The following NXPE4 variants were observed in gnomAD, a reference collection of about 807,000 sequenced individuals.
The protein encoded by NXPE4 is neurexophilin and PC-esterase domain family member 4, also known as NXPE family member 4.
A neutral mutation model predicts 33.3 loss-of-function variants in NXPE4; 42 were observed. That is an observed-to-expected ratio of 1.26 (90% confidence interval 0.98 to 1.63). NXPE4 has a LOEUF of 1.63. Ranked by LOEUF, NXPE4 falls within the 40% of genes most tolerant of loss-of-function variation. The pLI is 0.00. For synonymous variants in NXPE4, 253 were observed against 234.9 expected, an observed-to-expected ratio of 1.08 and a Z score of -0.71; for missense variants, 709 against 647.6, an observed-to-expected ratio of 1.09 and a Z score of -1.03.
chr11:114,654,093 C>G, the NXPE4 span, among the ~76,000 whole-genome samples: 1 of 152,094 alleles, frequency 6.6e-6, no homozygotes, highest in Non-Finnish European at 1.5e-5. Flanking sequence ...TACAAAGAAG[C>G]AGGAGATGAA....
intron 2 of NXPE4, among the ~76,000 whole-genome samples, chr11:114,587,824 T>G (rs1949343545): frequency 6.6e-6 from 1 of 152,232 alleles, no homozygotes; most frequent in South Asian, 2.1e-4. Context: ...TCTGAAGCAC[T>G]GGGATTCCTT....
the NXPE4 span, among the ~76,000 whole-genome samples, chr11:114,661,996 G>T: frequency 6.6e-6 from 1 of 152,052 alleles, no homozygotes; most frequent in Non-Finnish European, 1.5e-5. Context: ...AGAATAGAAG[G>T]CTCCACCAAT....
chr11:114,584,154 G>T, intron 2 of NXPE4: 1 of 292,520 alleles, frequency 3.4e-6, no homozygotes, highest in Non-Finnish European at 6.8e-6. Flanking sequence ...ATGGCAGAAG[G>T]TGGTTACACC....
At chr11:114,578,886 G>A (rs74899715) in intron 5 of NXPE4, among the ~76,000 whole-genome samples, 178 of 152,302 alleles carry the variant, frequency 1.2e-3, no homozygotes, top group African/African-American at 3.6e-3. Flanking sequence ...TGCAATGGCT[G>A]TTGTTTTTTT....
chr11:114,617,946 C>A, the NXPE4 span, among the ~76,000 whole-genome samples: 1 of 151,908 alleles, frequency 6.6e-6, no homozygotes, highest in Non-Finnish European at 1.5e-5. Context: ...ATAAGTATTG[C>A]CTCGTGGGAA....
At chr11:114,677,620 A>G in the NXPE4 span, among the ~76,000 whole-genome samples, 9 of 152,076 alleles carry the variant, frequency 5.9e-5, no homozygotes, top group Non-Finnish European at 1.5e-5. Context: ...TACAGTTCTG[A>G]TATCCATGCT....
intron 2 of NXPE4, among the ~76,000 whole-genome samples, chr11:114,590,939 T>A (rs891628901): frequency 3.3e-5 from 5 of 152,166 alleles, no homozygotes; most frequent in African/African-American, 1.2e-4. Flanking sequence ...GCAGTTCTGT[T>A]AAAAACTTGT....
At chr11:114,655,484 C>A in the NXPE4 span, among the ~76,000 whole-genome samples, 1 of 152,128 alleles carries the variant, frequency 6.6e-6, no homozygotes, top group African/African-American at 2.4e-5. Context: ...TTTAATCCAT[C>A]TTGAGTGAAT....
chr11:114,632,723 A>ATATG, the NXPE4 span, among the ~76,000 whole-genome samples: 1 of 57,570 alleles, frequency 1.7e-5, no homozygotes, highest in Admixed American at 3.6e-4. Flanking sequence ...TAATATATAT[A>ATATG]ATATATAATA....
intron 5 of NXPE4, among the ~76,000 whole-genome samples, chr11:114,579,524 T>C (rs1442107754): frequency 2.0e-5 from 3 of 152,248 alleles, no homozygotes; most frequent in Non-Finnish European, 4.4e-5. Flanking sequence ...TGTGTCTACC[T>C]GATGCAAAGT....
At position 114,572,102 on chromosome 11, in the gene NXPE4, C is replaced by T. The variant is rs367965686; in HGVS notation, c.1100-629G>A. On this transcript the variant is annotated intron_variant, in intron 5 of 5. Transcript: ENST00000375478. Reference sequence around the variant, plus strand: ...GATTCTTTGCAGACACTCTCCAGTACCAGCCCAGAGCCCAGTAGCTCCACT... The same window carrying T: ...GATTCTTTGCAGACACTCTCCAGTATCAGCCCAGAGCCCAGTAGCTCCACT... Among the ~76,000 whole-genome samples, 5 of 152,112 alleles carry T rather than the reference C, an allele frequency of 3.3e-5. No individual in the cohort carries two copies. The East Asian group carries it at 5.8e-4, about 18-fold the overall frequency.
At chr11:114,649,693 A>G in the NXPE4 span, among the ~76,000 whole-genome samples, 1 of 152,212 alleles carries the variant, frequency 6.6e-6, no homozygotes, top group Non-Finnish European at 1.5e-5. Flanking sequence ...GGTAACAGGT[A>G]GTAGGAGGAA....
chr11:114,600,240 G>T (rs1949621720), upstream of NXPE4, among the ~76,000 whole-genome samples: 1 of 152,124 alleles, frequency 6.6e-6, no homozygotes, highest in Admixed American at 6.6e-5. Flanking sequence ...GTGATGATGG[G>T]TTAACATAAC....
chr11:114,597,747 A>C (rs10891714), upstream of NXPE4, among the ~76,000 whole-genome samples: 26,747 of 152,024 alleles, frequency 0.18, 2,532 homozygotes, highest in African/African-American at 0.24. Context: ...TAAAAAATGG[A>C]GGTACATGTC....
chr11:114,646,636 T>C, the NXPE4 span, among the ~76,000 whole-genome samples: 1 of 152,288 alleles, frequency 6.6e-6, no homozygotes, highest in Middle Eastern at 3.4e-3. Context: ...GTATTTTTAC[T>C]ATAACACCAC....
chr11:114,625,875 G>T, the NXPE4 span, among the ~76,000 whole-genome samples: 1 of 152,132 alleles, frequency 6.6e-6, no homozygotes, highest in Non-Finnish European at 1.5e-5. Context: ...AGCGCAAGGG[G>T]TCAGGGAGTT....
the NXPE4 span, among the ~76,000 whole-genome samples, chr11:114,641,349 C>A: frequency 2.8e-3 from 420 of 152,108 alleles, 1 homozygote; most frequent in African/African-American, 8.9e-3. Flanking sequence ...TTCAAGTACA[C>A]ATGAAACCCA....
At chr11:114,651,933 A>C in the NXPE4 span, among the ~76,000 whole-genome samples, 1 of 152,172 alleles carries the variant, frequency 6.6e-6, no homozygotes, top group Non-Finnish European at 1.5e-5. Flanking sequence ...ACAAAGAAAC[A>C]AACCAAATTA....
At chr11:114,648,210 C>G in the NXPE4 span, among the ~76,000 whole-genome samples, 1 of 151,818 alleles carries the variant, frequency 6.6e-6, no homozygotes, top group Non-Finnish European at 1.5e-5. Context: ...GGGAGGGGCC[C>G]CGAGATGACC....
Sources: allele counts gnomAD v4.1 joint callset (sites outside exome capture counted in the v4.1 genomes callset), GRCh38; gene constraint gnomAD v4.1.1; transcripts MANE v1.5; gene names NCBI Gene and HGNC (gene_info 2026-07-23, HGNC 2026-07-21).